Variants in NCOA2 observed in about 807,000 individuals in gnomAD.
NCOA2 encodes class E basic helix-loop-helix protein 75.
A neutral mutation model predicts 145.1 loss-of-function variants in NCOA2; 21 were observed. That is an observed-to-expected ratio of 0.14 (90% CI 0.10 to 0.21). The LOEUF (loss-of-function observed/expected upper bound fraction) is 0.21. Ranked by LOEUF, NCOA2 falls within the 10% of genes least tolerant of loss-of-function variation. NCOA2 has a pLI of 1.00. For missense variants in NCOA2, 1,472 were observed against 1,837.6 expected (o/e 0.80, Z 3.64); for synonymous variants, 619 against 637.5 (o/e 0.97, Z 0.44).
At chr8:70,411,833 G>A in the NCOA2 span, among the ~76,000 whole-genome samples, 1 of 152,196 alleles carries the variant, frequency 6.6e-6, no homozygotes, top group South Asian at 2.1e-4. Flanking sequence ...CCAGGTAGGT[G>A]CGGCCTAGGA....
intron 2 of NCOA2, among the ~76,000 whole-genome samples, chr8:70,262,474 G>A (rs963883010): frequency 4.6e-5 from 7 of 152,182 alleles, no homozygotes; most frequent in African/African-American, 1.7e-4. Flanking sequence ...TTGAATCAGG[G>A]TTACTCTTAA....
At chr8:70,378,549 C>T (rs897602479) in intron 1 of NCOA2, among the ~76,000 whole-genome samples, 4 of 151,992 alleles carry the variant, frequency 2.6e-5, no homozygotes, top group Admixed American at 6.6e-5. Context: ...GGTAGATTTT[C>T]GAACGGGTCT....
At chr8:70,360,858 A>T (rs932459700) in intron 1 of NCOA2, among the ~76,000 whole-genome samples, 2 of 151,608 alleles carry the variant, frequency 1.3e-5, no homozygotes, top group Non-Finnish European at 2.9e-5. Flanking sequence ...GAATTGCTTG[A>T]ACCTGGGAGA....
chr8:70,237,297 G>A lies in NCOA2; in HGVS notation c.-19-20533C>T, dbSNP rs146502007. Among the ~76,000 whole-genome samples the A allele has an allele frequency of 1.0e-3, 154 of 152,228 alleles. 1 individual carries two copies. The Middle Eastern group carries it at 0.024, about 24-fold the overall frequency. On this transcript the variant is annotated intron_variant, in intron 2 of 22. Transcript: ENST00000452400. ...GCTGGCAGAAGCAGGATTTGAACCC[G>A]CGCTGTCTGACTCTAAGCCTGTACT...
At chr8:70,217,693 A>G (rs1268974733) in intron 2 of NCOA2, among the ~76,000 whole-genome samples, 1 of 152,206 alleles carries the variant, frequency 6.6e-6, no homozygotes, top group East Asian at 1.9e-4. Context: ...TAGGTAAGCA[A>G]GAACAAGCCA....
chr8:70,213,200 C>T (rs10957517), intron 4 of NCOA2, among the ~76,000 whole-genome samples: 12,602 of 151,750 alleles, frequency 0.083, 593 homozygotes, highest in East Asian at 0.13. Flanking sequence ...TGGCCCTGGG[C>T]ACCAAAACGT....
intron 1 of NCOA2, among the ~76,000 whole-genome samples, chr8:70,383,135 C>CACAGGT: frequency 6.6e-6 from 1 of 152,306 alleles, no homozygotes. Context: ...TGTTCGTGCA[C>CACAGGT]ACAGGTACGC....
chr8:70,160,680 AGG>A lies in NCOA2; in HGVS notation c.977-1030_977-1029del, dbSNP rs1491549147. ...GAGACAGAGAGAGAGAGAGAGAGAGAGGGAGAGAGAGAGAGAGAGAGACTGAC... is the reference window on the plus strand; with the variant it reads ...GAGACAGAGAGAGAGAGAGAGAGAGAGAGAGAGAGAGAGAGAGAGACTGAC... On this transcript the variant is annotated intron_variant, in intron 9 of 22. Transcript: ENST00000452400. Among the ~76,000 whole-genome samples, 199 of 123,626 alleles carry A rather than the reference AGG, an allele frequency of 1.6e-3. 3 individuals are homozygous for A. Among genetic ancestry groups the A allele is most frequent in the African/African-American group, 7.1e-3 (193 of 27,172 alleles). The allele number at this position is 123,626 out of a possible 152,430, so 81.1% of individuals were successfully genotyped here.
chr8:70,123,550 C>T (rs933832924), intron 21 of NCOA2, among the ~76,000 whole-genome samples: 6 of 151,358 alleles, frequency 4.0e-5, no homozygotes, highest in Non-Finnish European at 7.4e-5. Context: ...CGATAACCCC[C>T]AAATAGAGCT....
At chr8:70,363,119 C>T (rs1427900036) in intron 1 of NCOA2, among the ~76,000 whole-genome samples, 3 of 148,686 alleles carry the variant, frequency 2.0e-5, no homozygotes, top group African/African-American at 7.4e-5. Context: ...CACGGTGGCT[C>T]ACACCTGTAA....
At chr8:70,115,136 G>GTATTTATT (rs541399120) in intron 22 of NCOA2, among the ~76,000 whole-genome samples, 6 of 151,984 alleles carry the variant, frequency 3.9e-5, no homozygotes, top group Admixed American at 1.3e-4. Flanking sequence ...CTACTGAGAA[G>GTATTTATT]TATTTATTTA....
At chr8:70,135,848 A>G (rs547797832) in intron 15 of NCOA2, among the ~76,000 whole-genome samples, 1 of 152,304 alleles carries the variant, frequency 6.6e-6, no homozygotes, top group East Asian at 1.9e-4. Flanking sequence ...CCATACCTTA[A>G]AGTCTACATG....
intron 1 of NCOA2, among the ~76,000 whole-genome samples, chr8:70,393,050 C>G (rs1813345348): frequency 6.6e-6 from 1 of 151,986 alleles, no homozygotes; most frequent in Non-Finnish European, 1.5e-5. Flanking sequence ...ACATTGCCTC[C>G]CCTCACTCCT....
chr8:70,348,286 T>C (rs560369269), intron 1 of NCOA2, among the ~76,000 whole-genome samples: 1 of 152,132 alleles, frequency 6.6e-6, no homozygotes, highest in East Asian at 1.9e-4. Context: ...AAAAGTACAA[T>C]AGAGATAAAA....
At chr8:70,357,166 C>A (rs895697954) in intron 1 of NCOA2, among the ~76,000 whole-genome samples, 8 of 152,248 alleles carry the variant, frequency 5.3e-5, no homozygotes, top group African/African-American at 1.7e-4. Context: ...TTGAAATGCC[C>A]TCCTCTACCA....
intron 2 of NCOA2, among the ~76,000 whole-genome samples, chr8:70,261,572 C>T (rs990856400): frequency 6.6e-6 from 1 of 151,660 alleles, no homozygotes; most frequent in Non-Finnish European, 1.5e-5. Context: ...GCACATGTAC[C>T]CTAAAACTTA....
chr8:70,275,280 T>C (rs902952655), intron 2 of NCOA2, among the ~76,000 whole-genome samples: 6 of 152,146 alleles, frequency 3.9e-5, no homozygotes, highest in Non-Finnish European at 7.4e-5. Flanking sequence ...TCACCATAAA[T>C]TCAGTAGGTA....
intron 2 of NCOA2, among the ~76,000 whole-genome samples, chr8:70,263,410 TA>T (rs1824303426): frequency 6.6e-6 from 1 of 151,840 alleles, no homozygotes; most frequent in Non-Finnish European, 1.5e-5. Context: ...AAACCACGTA[TA>T]AGGGTGCACA....
chr8:70,112,761 A>G lies in NCOA2; in HGVS notation c.*871T>C, dbSNP rs1295378834. On this transcript the variant is annotated 3_prime_UTR_variant, in exon 23 of 23. Transcript: ENST00000452400. ...ATATTATTTTTTAAAAAAGGAATGA[A>G]AATAGGGAGTATGGGGAATGAGAGA... 5 of 209,226 alleles carry G rather than the reference A, an allele frequency of 2.4e-5. No homozygotes were observed. In the East Asian group the frequency reaches 3.6e-4, roughly 15 times the overall value. The allele number at this position is 209,226 out of a possible 1,614,324, so 13.0% of individuals were successfully genotyped here.
Sources: gnomAD v4.1 joint callset for allele counts (sites outside exome capture counted in the v4.1 genomes callset) on GRCh38, gnomAD v4.1.1 for gene constraint, MANE v1.5 for transcripts, NCBI Gene and HGNC (gene_info 2026-07-23, HGNC 2026-07-21) for gene names.